The following SATB1 variants were observed in gnomAD, a reference collection of about 807,000 sequenced individuals.
SATB1 encodes the protein DNA-binding protein SATB1.
SATB1 carries 11 observed loss-of-function variants against 86.9 expected under a neutral mutation model. The ratio of observed to expected loss-of-function variants is 0.13; its 90% CI spans 0.08 to 0.21. The LOEUF is 0.21. Ranked by LOEUF, SATB1 falls within the 10% of genes least tolerant of loss-of-function variation. The pLI is 1.00. For synonymous variants in SATB1, 357 were observed against 357.2 expected, an observed-to-expected ratio of 1.00 and a Z score of 0.01; for missense variants, 551 against 937.6, an observed-to-expected ratio of 0.59 and a Z score of 5.39.
intron 8 of SATB1, among the ~76,000 whole-genome samples, chr3:18,385,251 T>C: frequency 6.6e-6 from 1 of 152,356 alleles, no homozygotes; most frequent in East Asian, 1.9e-4. Context: ...CGACTTTTTC[T>C]TCCATGTTCA....
chr3:18,415,867 T>C (rs1031412727), intron 4 of SATB1, 140 bp downstream of exon 4: 6 of 610,340 alleles, frequency 9.8e-6, no homozygotes, highest in Non-Finnish European at 1.0e-5. Context: ...GGCAGAAGGA[T>C]AGGGTAACAA....
At chr3:18,375,513 T>C (rs568113480) in intron 9 of SATB1, among the ~76,000 whole-genome samples, 3 of 152,306 alleles carry the variant, frequency 2.0e-5, no homozygotes, top group African/African-American at 4.8e-5. Context: ...TGCCTCATTT[T>C]GGCAAGTCCT....
chr3:18,412,156 C>T (rs1006087178), intron 5 of SATB1, among the ~76,000 whole-genome samples: 2 of 152,026 alleles, frequency 1.3e-5, no homozygotes, highest in African/African-American at 4.8e-5. Flanking sequence ...CTTAGCAAGT[C>T]AGGACTTTCT....
rs542063444 is a variant in SATB1 at position 18,345,707 on chromosome 3, T to C, written c.*3463A>G. ...TGGACCTCCATTGGTTTCCACACTA[T>C]CATGCAAATTTCCAACTTGCTTTAA... is the stretch of plus-strand genomic sequence containing the variant. On this transcript the variant is annotated 3_prime_UTR_variant, in exon 11 of 11. Transcript: ENST00000338745. 7.2e-5 allele frequency: 11 copies of C among 152,272 alleles called. 1 individual carries two copies. The highest frequency in any genetic ancestry group is 2.0e-4 in the Admixed American group (3 of 15,290). 9.4% of individuals were successfully genotyped at this position (152,272 alleles called of 1,614,324 possible). A position where few individuals can be genotyped will look rare whatever the true frequency, so the allele number is the denominator to read the frequency against.
intron 9 of SATB1, among the ~76,000 whole-genome samples, chr3:18,356,951 A>C (rs758611354): frequency 1.8e-4 from 27 of 152,022 alleles, no homozygotes; most frequent in Non-Finnish European, 3.2e-4. Context: ...TCTGAGAAAA[A>C]AAGTCATTTA....
chr3:18,351,393 T>C (rs1182999943), intron 10 of SATB1: 1 of 1,549,798 alleles, frequency 6.5e-7, no homozygotes, highest in Non-Finnish European at 8.7e-7. Flanking sequence ...TTCCCAAGGG[T>C]GGTGGGAGAG....
chr3:18,435,621 A>C (rs1370856242), intron 2 of SATB1, among the ~76,000 whole-genome samples: 1 of 152,152 alleles, frequency 6.6e-6, no homozygotes, highest in Non-Finnish European at 1.5e-5. Flanking sequence ...AACTGGCTGA[A>C]TGTTTTCTAC....
chr3:18,394,788 G>C lies in SATB1; in HGVS notation c.880C>G (p.Pro294Ala). The C allele has an allele frequency of 3.7e-6, 6 of 1,614,152 alleles. No individual in the cohort carries two copies. The highest frequency in any genetic ancestry group is 5.1e-6 in the Non-Finnish European group (6 of 1,180,018). The change falls in exon 7 of 11, where the codon CCC becomes GCC. Residue 294 changes from proline (P) to alanine (A), a missense_variant. By Grantham distance (27) the Pro-to-Ala change is conservative. Around this residue, in one of 8 missense-constraint regions of SATB1, gnomAD observed 119 missense variants for 171.1 expected, o/e 0.70. Coordinates refer to ENST00000338745, the MANE Select transcript of SATB1 (RefSeq NM_002971.6). This position sits in a 1 kb window ranked among gnomAD's most constrained non-coding sequence, Gnocchi z 5.9. ...SPAQLSHGSQ[P>A]SVRTPLPNLH... ...TTTGGAAGAGGTGTCCGGACAGAGG[G>C]CTGGCTGCCATGGGAGAGCTGCGCA...
At chr3:18,438,262 C>T (rs1361828420) in intron 1 of SATB1, among the ~76,000 whole-genome samples, 1 of 152,182 alleles carries the variant, frequency 6.6e-6, no homozygotes, top group Non-Finnish European at 1.5e-5. Flanking sequence ...TACTACATGC[C>T]TAGCTTCCAG....
upstream of SATB1, among the ~76,000 whole-genome samples, chr3:18,428,038 CAAAA>C (rs1426633436): frequency 6.6e-6 from 1 of 151,842 alleles, no homozygotes; most frequent in Non-Finnish European, 1.5e-5. Context: ...AAATAAATAA[CAAAA>C]AAAGAAAGAA....
At chr3:18,411,655 AG>A (rs1261062199) in intron 5 of SATB1, among the ~76,000 whole-genome samples, 5 of 152,180 alleles carry the variant, frequency 3.3e-5, no homozygotes, top group Admixed American at 3.3e-4. Flanking sequence ...CCTTAGCTGC[AG>A]TTCAGAATGC....
intron 9 of SATB1, among the ~76,000 whole-genome samples, chr3:18,360,280 G>A (rs1261549591): frequency 6.6e-6 from 1 of 152,140 alleles, no homozygotes; most frequent in Non-Finnish European, 1.5e-5. Flanking sequence ...ATCCCAGAGT[G>A]AGAATCTTTA....
intron 1 of SATB1, among the ~76,000 whole-genome samples, chr3:18,437,281 G>C (rs895290146): frequency 6.6e-6 from 1 of 151,846 alleles, no homozygotes; most frequent in African/African-American, 2.4e-5. Context: ...AACCACTGAG[G>C]AGCAATAATT....
chr3:18,365,516 C>G (rs1695143185), intron 9 of SATB1, among the ~76,000 whole-genome samples: 2 of 152,074 alleles, frequency 1.3e-5, no homozygotes, highest in Admixed American at 1.3e-4. Flanking sequence ...AAATACCAGT[C>G]CCTGCTCTCT....
At chr3:18,440,154 A>G (rs1699198993), upstream of SATB1, among the ~76,000 whole-genome samples, 2 of 152,228 alleles carry the variant, frequency 1.3e-5, no homozygotes, top group African/African-American at 4.8e-5. Context: ...AAGTTAATTT[A>G]GCAAAACACA....
At chr3:18,373,092 C>G (rs1293229665) in intron 9 of SATB1, among the ~76,000 whole-genome samples, 1 of 152,144 alleles carries the variant, frequency 6.6e-6, no homozygotes, top group African/African-American at 2.4e-5. Context: ...GAAGCTGTAT[C>G]CCCCTCAGGG....
At chr3:18,361,360 GC>G (rs767246547) in intron 9 of SATB1, among the ~76,000 whole-genome samples, 61 of 152,142 alleles carry the variant, frequency 4.0e-4, no homozygotes, top group Middle Eastern at 3.4e-3. Flanking sequence ...CATGAAAAGG[GC>G]TTGGCACACA....
intron 8 of SATB1, among the ~76,000 whole-genome samples, chr3:18,385,782 T>C (rs1310523864): frequency 6.6e-6 from 1 of 152,162 alleles, no homozygotes; most frequent in Non-Finnish European, 1.5e-5. Context: ...ACAATACAGA[T>C]TCACATACCC....
Position 18,415,166 on chromosome 3 carries a change from T to C in SATB1, c.584A>G (p.Asp195Gly). 6.2e-7 allele frequency: 1 copy of C among 1,613,102 alleles called. No homozygotes were observed. Among genetic ancestry groups the C allele is most frequent in the Non-Finnish European group, 8.5e-7 (1 of 1,179,278 alleles). ...SHTTVRNALKDLLKDMNQSSL... is the reference protein window; with the variant it reads ...SHTTVRNALKGLLKDMNQSSL... ...ACTCTGATTCATATCTTTCAGTAAG[T>C]CCTTCAGAGCATTCCTCACTGTGGT... is the stretch of plus-strand genomic sequence containing the variant. Residue 195 changes from aspartate to glycine, a missense_variant, in exon 5 of 11, where the codon GAC becomes GGC. Physicochemically the swap from Asp to Gly is moderately conservative, Grantham distance 94. This residue lies in a region of SATB1 where 153 missense variants were observed against 258.1 expected (regional missense o/e 0.59). Transcript: ENST00000338745.
Sources: gnomAD v4.1 joint callset for allele counts (sites outside exome capture counted in the v4.1 genomes callset) on GRCh38, gnomAD v4.1.1 for gene constraint, gnomAD v4.1.1 regional missense constraint, Gnocchi (gnomAD v3.1) non-coding constraint, MANE v1.5 for transcripts, NCBI Gene and HGNC (gene_info 2026-07-23, HGNC 2026-07-21) for gene names.